Variants in BRCA2 observed in about 807,000 individuals in gnomAD.
The protein encoded by BRCA2 is breast cancer type 2 susceptibility protein.
In BRCA2, 203 loss-of-function variants were observed where a neutral mutation model predicts 276.7. The ratio of observed to expected loss-of-function variants is 0.73; its 90% CI spans 0.65 to 0.82. The LOEUF is 0.82. Ranked by LOEUF, BRCA2 falls within the 40% of genes least tolerant of loss-of-function variation. BRCA2 has a pLI of 0.00. For missense variants in BRCA2, 3,920 were observed against 3,915.0 expected (o/e 1.00, Z -0.03); for synonymous variants, 1,289 against 1,338.4 (o/e 0.96, Z 0.81).
rs373436334 is a variant in BRCA2, at chr13:32,398,784, C to T, written c.*14C>T. 2.1e-5 allele frequency: 34 copies of T among 1,612,588 alleles called. No homozygotes were observed. The African/African-American group carries it at 2.1e-4, about 10-fold the overall frequency. ...AAATATATCTAAGCATTTGCAAAGG[C>T]GACAATAAATTATTGACGCTTAACC... On this transcript the variant is annotated 3_prime_UTR_variant, in exon 27 of 27. Coordinates refer to ENST00000380152, the MANE Select transcript of BRCA2 (RefSeq NM_000059.4).
chr13:32,386,269 G>A (rs552059745), intron 24 of BRCA2, among the ~76,000 whole-genome samples: 4 of 152,266 alleles, frequency 2.6e-5, no homozygotes, highest in African/African-American at 9.6e-5. Context: ...TTAGCCAGGG[G>A]TGGTGGCACA....
chr13:32,391,299 T>TG, intron 24 of BRCA2, among the ~76,000 whole-genome samples: 2 of 152,262 alleles, frequency 1.3e-5, no homozygotes, highest in South Asian at 4.1e-4. Context: ...AGGAAGCAAA[T>TG]GCAGCAGGAT....
At chr13:32,318,596 C>G (rs1445257515) in intron 2 of BRCA2, among the ~76,000 whole-genome samples, 4 of 152,084 alleles carry the variant, frequency 2.6e-5, no homozygotes, top group African/African-American at 9.7e-5. Context: ...CGTGTGCCAC[C>G]ATGCTTGGCT....
At chr13:32,316,286 A>T in intron 1 of BRCA2, 136 bp from the exon 2 acceptor site, 2 of 676,942 alleles carry the variant, frequency 3.0e-6, no homozygotes, top group Non-Finnish European at 5.4e-6. Context: ...CCATCCTCAC[A>T]GTAAGCTGTT....
chr13:32,320,256 T>G (rs1256578565), intron 3 of BRCA2, among the ~76,000 whole-genome samples: 1 of 152,152 alleles, frequency 6.6e-6, no homozygotes, highest in Non-Finnish European at 1.5e-5. Context: ...ACATGCAAAT[T>G]TCATCATGCT....
chr13:32,342,197 T>C (rs1019976903), intron 11 of BRCA2, among the ~76,000 whole-genome samples: 7 of 147,524 alleles, frequency 4.7e-5, no homozygotes, highest in Admixed American at 2.8e-4. Context: ...CACCTGAACC[T>C]GGGAGGTGGA....
At chr13:32,365,721 C>CTTTTTTTTTTTTTTTTTTTTTTTATTTT (rs36116910) in intron 18 of BRCA2, among the ~76,000 whole-genome samples, 1 of 105,882 alleles carries the variant, frequency 9.4e-6, no homozygotes, top group African/African-American at 3.6e-5. Flanking sequence ...ACTTTGGTGT[C>CTTTTTTTTTTTTTTTTTTTTTTTATTTT]TTTTTTTTTT....
In BRCA2 at chr13:32,354,990, A is replaced by G. The variant is rs730881593; in HGVS notation, c.7137A>G (p.Gly2379=). The change falls in exon 14 of 27, where the codon GGA becomes GGG. Residue 2379 remains glycine, a synonymous_variant. Transcript: ENST00000380152. Reference sequence around the variant, plus strand: ...CTTCAAGCAATTTAGCAGTTTCAGGACATCCATTTTATCAAGTTTCTGCTA... The same window carrying G: ...CTTCAAGCAATTTAGCAGTTTCAGGGCATCCATTTTATCAAGTTTCTGCTA... ...EKSSSNLAVS[G]HPFYQVSATR... is the part of the protein sequence containing the mutation. The G allele has an allele frequency of 6.2e-7, 1 of 1,613,706 alleles. No individual in the cohort carries two copies. The highest frequency in any genetic ancestry group is 8.5e-7 in the Non-Finnish European group (1 of 1,179,640).
At position 32,315,643 on chromosome 13, in the gene BRCA2, A is replaced by G. The variant is rs572082150; in HGVS notation, c.-64A>G. 3.9e-5 allele frequency: 6 copies of G among 152,430 alleles called. No individual in the cohort carries two copies. Among genetic ancestry groups the G allele is most frequent in the African/African-American group, 1.2e-4 (5 of 41,586 alleles). The allele number at this position is 152,430 out of a possible 1,614,324, so 9.4% of individuals were successfully genotyped here. A position where few individuals can be genotyped will look rare whatever the true frequency, so the allele number is the denominator to read the frequency against. ...GGTTTTTGTCAGCTTACTCCGGCCAAAAAAGAACTGCACCTCTGGAGCGGG... is the reference window on the plus strand; with the variant it reads ...GGTTTTTGTCAGCTTACTCCGGCCAGAAAAGAACTGCACCTCTGGAGCGGG... On this transcript the variant is annotated 5_prime_UTR_variant, in exon 1 of 27. Coordinates refer to ENST00000380152, the MANE Select transcript of BRCA2 (RefSeq NM_000059.4).
intron 11 of BRCA2, among the ~76,000 whole-genome samples, chr13:32,343,800 TAGTC>T (rs760129303): frequency 1.3e-5 from 2 of 152,264 alleles, no homozygotes; most frequent in East Asian, 1.9e-4. Context: ...GTGTATAACT[TAGTC>T]AGCTTCTGGT....
rs200757418 is a variant in BRCA2, at chr13:32,363,197, T to C, written c.7995T>C (p.Asp2665=). Residue 2665 remains aspartate, a synonymous_variant, in exon 18 of 27, where the codon GAT becomes GAC. Transcript: ENST00000380152. The part of the protein sequence containing the change: ...QLKYRYDTEI[D]RSRRSAIKKI... The stretch of plus-strand genomic sequence containing the variant: ...CTTTTAGATATGATACGGAAATTGA[T>C]AGAAGCAGAAGATCGGCTATAAAAA... The C allele has an allele frequency of 7.4e-6, 12 of 1,613,614 alleles. No individual in the cohort carries two copies. The highest frequency in any genetic ancestry group is 1.1e-5 in the South Asian group (1 of 91,064).
chr13:32,315,607 G>C lies in BRCA2; in HGVS notation c.-100G>C, dbSNP rs2072247870. The C allele has an allele frequency of 6.6e-6, 1 of 152,350 alleles. No homozygotes were observed. The allele number at this position is 152,350 out of a possible 1,614,324, so 9.4% of individuals were successfully genotyped here. ...GGGAGAAGCGTGAGGGGACAGATTT[G>C]TGACCGGCGCGGTTTTTGTCAGCTT... On this transcript the variant is annotated 5_prime_UTR_variant, in exon 1 of 27. Transcript: ENST00000380152.
chr13:32,388,952 A>G (rs925708553), intron 24 of BRCA2, among the ~76,000 whole-genome samples: 13 of 152,154 alleles, frequency 8.5e-5, no homozygotes, highest in Admixed American at 5.9e-4. Context: ...TTTGTTTTCT[A>G]TTTGTTTCTC....
chr13:32,382,897 TTAGC>T (rs1452145191), intron 24 of BRCA2, among the ~76,000 whole-genome samples: 3 of 152,184 alleles, frequency 2.0e-5, no homozygotes, highest in African/African-American at 7.2e-5. Context: ...GAAATTGGCC[TTAGC>T]TAGCAGGAGA....
chr13:32,389,909 CAG>C (rs1280224035), intron 24 of BRCA2, among the ~76,000 whole-genome samples: 4 of 152,130 alleles, frequency 2.6e-5, no homozygotes, highest in African/African-American at 9.7e-5. Flanking sequence ...TTAGGAATAA[CAG>C]AATTCTCAAA....
At chr13:32,328,915 TCAAA>T (rs1361051328) in intron 7 of BRCA2, among the ~76,000 whole-genome samples, 93 of 152,286 alleles carry the variant, frequency 6.1e-4, no homozygotes, top group African/African-American at 1.9e-3. Context: ...TAGGTTGTAC[TCAAA>T]GCCTGAGCTT....
At chr13:32,328,195 TG>T (rs2072363813) in intron 7 of BRCA2, among the ~76,000 whole-genome samples, 2 of 151,388 alleles carry the variant, frequency 1.3e-5, no homozygotes, top group Non-Finnish European at 2.9e-5. Flanking sequence ...TGGATAATAA[TG>T]GGAAAAAAAG....
At chr13:32,335,344 CAA>C (rs780395396) in intron 10 of BRCA2, among the ~76,000 whole-genome samples, 18 of 47,768 alleles carry the variant, frequency 3.8e-4, no homozygotes, top group Admixed American at 1.0e-3. Context: ...GACTCCATCT[CAA>C]AAAAAAAAAA....
At position 32,337,178 on chromosome 13, in the gene BRCA2, G is replaced by A. The variant is rs876659897; in HGVS notation, c.2823G>A (p.Val941=). 1.9e-6 allele frequency: 3 copies of A among 1,613,542 alleles called. No individual in the cohort carries two copies. Among genetic ancestry groups the A allele is most frequent in the Non-Finnish European group, 2.5e-6 (3 of 1,179,834 alleles). ...CAGGTGATAAACAAGCAACCCAAGT[G>A]TCAATTAAAAAAGATTTGGTTTATG... ...GDTGDKQATQ[V]SIKKDLVYVL... The change falls in exon 11 of 27, where the codon GTG becomes GTA. Residue 941 remains valine (V), a synonymous_variant. Transcript: ENST00000380152.
Sources: gnomAD v4.1 joint callset for allele counts (sites outside exome capture counted in the v4.1 genomes callset) on GRCh38, gnomAD v4.1.1 for gene constraint, MANE v1.5 for transcripts, NCBI Gene and HGNC (gene_info 2026-07-23, HGNC 2026-07-21) for gene names.